Variants in PCDHGA4 observed in about 807,000 individuals in gnomAD.
PCDHGA4 encodes the protein protocadherin gamma subfamily A, 4.
In PCDHGA4, 38 loss-of-function variants were observed where a neutral mutation model predicts 54.6. The observed-to-expected ratio is 0.70, with a 90% CI of 0.54 to 0.91. PCDHGA4 has a LOEUF of 0.91. Ranked by LOEUF, PCDHGA4 falls within the 40% of genes least tolerant of loss-of-function variation. The pLI, the probability that PCDHGA4 is intolerant of heterozygous loss-of-function variation, is 0.00. For missense variants in PCDHGA4, 1,298 were observed against 1,220.9 expected, an observed-to-expected ratio of 1.06 and a Z score of -0.94; for synonymous variants, 511 against 512.9, an observed-to-expected ratio of 1.00 and a Z score of 0.05.
intron 1 of PCDHGA4, chr5:141,376,579 T>C: frequency 6.3e-7 from 1 of 1,590,894 alleles, no homozygotes; most frequent in Non-Finnish European, 8.6e-7. Context: ...GACAGGCTCA[T>C]CAGCTAGATC....
chr5:141,486,083 C>T lies in PCDHGA4; in HGVS notation c.2515-8724C>T, dbSNP rs367657659. On this transcript the variant is annotated intron_variant, in intron 1 of 3. Coordinates refer to ENST00000571252, the MANE Select transcript of PCDHGA4 (RefSeq NM_018917.4). This position sits in a 1 kb window ranked among gnomAD's most constrained non-coding sequence, Gnocchi z 5.0. ...GCACCCCACTACTGGAAAGCTTACTCTTTTGGGGCCCCTAGACTTTGAGAG... is the reference window on the plus strand; with the variant it reads ...GCACCCCACTACTGGAAAGCTTACTTTTTTGGGGCCCCTAGACTTTGAGAG... The T allele has an allele frequency of 1.2e-6, 2 of 1,614,062 alleles. No individual in the cohort carries two copies. Among genetic ancestry groups the T allele is most frequent in the Non-Finnish European group, 1.7e-6 (2 of 1,180,040 alleles).
rs1214425261 is a variant in PCDHGA4 at position 141,485,865 on chromosome 5, C to G, written c.2515-8942C>G. On this transcript the variant is annotated intron_variant, in intron 1 of 3. Coordinates refer to ENST00000571252, the MANE Select transcript of PCDHGA4 (RefSeq NM_018917.4). This position sits in a 1 kb window ranked among gnomAD's most constrained non-coding sequence, Gnocchi z 5.7. The stretch of plus-strand genomic sequence containing the variant: ...TCTGGCACCGCAGAGCTCCGGGTAT[C>G]CGTGCTGGACGTAAACGACAACGCC... The G allele has an allele frequency of 1.2e-6, 2 of 1,614,182 alleles. No individual in the cohort carries two copies.
intron 1 of PCDHGA4, chr5:141,398,760 C>T: frequency 6.2e-7 from 1 of 1,613,898 alleles, no homozygotes; most frequent in Non-Finnish European, 8.5e-7. Flanking sequence ...ATCGTTTAGT[C>T]CTGACTGCCT....
At position 141,409,159 on chromosome 5, in the gene PCDHGA4, GGAAGC is replaced by G. The variant is rs1361879939; in HGVS notation, c.2514+51543_2514+51547del. On this transcript the variant is annotated intron_variant, in intron 1 of 3. Transcript: ENST00000571252. ...ATGTAGAAAGGTACACCATGGAAGTGGAAGCGAAGGACGGAGGTGGTCTCTCTACC... is the reference window on the plus strand; with the variant it reads ...ATGTAGAAAGGTACACCATGGAAGTGGAAGGACGGAGGTGGTCTCTCTACC... The G allele has an allele frequency of 3.1e-6, 5 of 1,614,014 alleles. 1 individual carries two copies. In the South Asian group the frequency reaches 5.5e-5, roughly 18 times the overall value.
At chr5:141,374,566 T>A in intron 1 of PCDHGA4, 1 of 1,613,700 alleles carries the variant, frequency 6.2e-7, no homozygotes, top group Non-Finnish European at 8.5e-7. Context: ...ATGACCCTGA[T>A]GTGGGAATGA....
intron 1 of PCDHGA4, chr5:141,399,730 T>G: frequency 2.5e-6 from 4 of 1,613,266 alleles, no homozygotes; most frequent in Non-Finnish European, 8.5e-7. Context: ...CGACCAGGGC[T>G]CGCCTGCGCT....
rs541533867 is a variant in PCDHGA4 at position 141,415,164 on chromosome 5, G to T, written c.2514+57543G>T. 6.8e-6 allele frequency: 11 copies of T among 1,613,838 alleles called. No individual in the cohort carries two copies. The African/African-American group carries it at 1.3e-4, about 20-fold the overall frequency. Reference sequence around the variant, plus strand: ...AGCCCCCTCTCTCCGCCACTGTCACGCTCACCGTGGCCGTGGCCGACAGCA... The same window carrying T: ...AGCCCCCTCTCTCCGCCACTGTCACTCTCACCGTGGCCGTGGCCGACAGCA... On this transcript the variant is annotated intron_variant, in intron 1 of 3. Transcript: ENST00000571252.
At chr5:141,462,627 A>T (rs1200455153) in intron 1 of PCDHGA4, among the ~76,000 whole-genome samples, 1 of 150,276 alleles carries the variant, frequency 6.7e-6, no homozygotes, top group East Asian at 1.9e-4. Flanking sequence ...TAGAAGTTCC[A>T]TTTGACTCTT....
rs368791778 is a variant in PCDHGA4, at chr5:141,409,216, T to C, written c.2514+51595T>C. The C allele has an allele frequency of 4.3e-6, 7 of 1,613,886 alleles. No homozygotes were observed. The African/African-American group carries it at 9.3e-5, about 22-fold the overall frequency. On this transcript the variant is annotated intron_variant, in intron 1 of 3. Coordinates refer to ENST00000571252, the MANE Select transcript of PCDHGA4 (RefSeq NM_018917.4). ...AGTGTAAAGTAATCATAGAAATCCT[T>C]GATGAAAACGACAACAGCCCAGAAA...
intron 1 of PCDHGA4, chr5:141,426,294 CAG>C (rs555591649): frequency 1.2e-4 from 20 of 167,070 alleles, no homozygotes; most frequent in African/African-American, 4.5e-4. Context: ...GGATGGGAAA[CAG>C]GGTGAAGCAG....
chr5:141,415,536 G>A (rs1561758201), intron 1 of PCDHGA4: 1 of 1,614,150 alleles, frequency 6.2e-7, no homozygotes, highest in Non-Finnish European at 8.5e-7. Flanking sequence ...TCAGCCAGGA[G>A]AGCTGTGAGA....
chr5:141,391,196 T>C (rs887079701), intron 1 of PCDHGA4: 1 of 152,158 alleles, frequency 6.6e-6, no homozygotes, highest in Non-Finnish European at 1.5e-5. Flanking sequence ...ACAAAATATA[T>C]ACAAAATACC....
In PCDHGA4 at chr5:141,490,584, T is replaced by C; in HGVS notation, c.2515-4223T>C. The stretch of plus-strand genomic sequence containing the variant: ...TCAGGCTCAACATTTCAGATGTCAA[T>C]GACAATGCACCCCGCTTCAACCAGC... On this transcript the variant is annotated intron_variant, in intron 1 of 3. Coordinates refer to ENST00000571252, the MANE Select transcript of PCDHGA4 (RefSeq NM_018917.4). The surrounding 1 kb of genome is among the most constrained non-coding windows in gnomAD (Gnocchi z 5.4). 6.2e-7 allele frequency: 1 copy of C among 1,614,170 alleles called. No individual in the cohort carries two copies. Among genetic ancestry groups the C allele is most frequent in the South Asian group, 1.1e-5 (1 of 91,080 alleles).
At chr5:141,360,691 C>G (rs769552325) in intron 1 of PCDHGA4, 15 of 1,613,850 alleles carry the variant, frequency 9.3e-6, no homozygotes, top group African/African-American at 4.0e-5. Flanking sequence ...GAAACAGACT[C>G]CAGATGGTCG....
At chr5:141,455,959 G>A (rs112864392) in intron 1 of PCDHGA4, among the ~76,000 whole-genome samples, 2 of 150,430 alleles carry the variant, frequency 1.3e-5, no homozygotes. Flanking sequence ...GTGCAGTGGC[G>A]CGATCTCAGC....
Position 141,477,686 on chromosome 5 carries a change from C to T in PCDHGA4, c.2515-17121C>T, listed in dbSNP as rs201090822. Reference sequence around the variant, plus strand: ...CAATGGCATAGTGTCATCCTTAGTGCCCCTAGACTATGAGGATCGGCGGGA... The same window carrying T: ...CAATGGCATAGTGTCATCCTTAGTGTCCCTAGACTATGAGGATCGGCGGGA... On this transcript the variant is annotated intron_variant, in intron 1 of 3. Coordinates refer to ENST00000571252, the MANE Select transcript of PCDHGA4 (RefSeq NM_018917.4). This position sits in a 1 kb window ranked among gnomAD's most constrained non-coding sequence, Gnocchi z 4.9. The T allele has an allele frequency of 4.3e-6, 7 of 1,614,024 alleles. No homozygotes were observed. The highest frequency in any genetic ancestry group is 1.6e-4 in the Middle Eastern group (1 of 6,084).
At chr5:141,358,616 C>T (rs1249200315) in intron 1 of PCDHGA4, among the ~76,000 whole-genome samples, 2 of 152,198 alleles carry the variant, frequency 1.3e-5, no homozygotes, top group Non-Finnish European at 2.9e-5. Flanking sequence ...AGAAATATTT[C>T]CAAGCTAATT....
At chr5:141,478,711 T>G (rs1420376406) in intron 1 of PCDHGA4, 1 of 1,547,346 alleles carries the variant, frequency 6.5e-7, no homozygotes. Context: ...CTTTGTGAGA[T>G]GGTGGCCTGC....
intron 1 of PCDHGA4, chr5:141,478,451 G>A (rs377597887): frequency 2.5e-6 from 4 of 1,613,440 alleles, no homozygotes; most frequent in African/African-American, 2.7e-5. Context: ...ACCTGGTGCA[G>A]CCAGTCCACT....
Sources: gnomAD v4.1 joint callset for allele counts (sites outside exome capture counted in the v4.1 genomes callset) on GRCh38, gnomAD v4.1.1 for gene constraint, Gnocchi (gnomAD v3.1) non-coding constraint, MANE v1.5 for transcripts, NCBI Gene and HGNC (gene_info 2026-07-23, HGNC 2026-07-21) for gene names.